The following RBFOX1 variants were observed in gnomAD, a reference collection of about 807,000 sequenced individuals.
RBFOX1 encodes the protein RNA binding protein fox-1 homolog 1.
Under a neutral mutation model 57.7 loss-of-function variants are expected in RBFOX1, and 8 were observed. The observed-to-expected ratio is 0.14, with a 90% confidence interval of 0.08 to 0.25. The LOEUF is 0.25. RBFOX1 is among the 10% of genes least tolerant of loss of function. The pLI is 1.00. For missense variants in RBFOX1, 611 were observed against 548.5 expected, an observed-to-expected ratio of 1.11 and a Z score of -1.14; for synonymous variants, 326 against 222.4, an observed-to-expected ratio of 1.47 and a Z score of -4.15.
At chr16:6,112,656 A>G (rs1368707393) in intron 1 of RBFOX1, among the ~76,000 whole-genome samples, 2 of 151,728 alleles carry the variant, frequency 1.3e-5, no homozygotes, top group Non-Finnish European at 2.9e-5. Flanking sequence ...GTGCCATTGC[A>G]CTCCAGCCTG....
At position 7,567,184 on chromosome 16, in the gene RBFOX1, A is replaced by AT. The variant is rs373288970; in HGVS notation, c.271-12593_271-12592insT. ...ATATCCATATATATATCCCTATATA[A>AT]ATATCCATATATATATCCCTATATA... On this transcript the variant is annotated intron_variant, in intron 5 of 15. Coordinates refer to ENST00000550418, the MANE Select transcript of RBFOX1 (RefSeq NM_018723.4). Among the ~76,000 whole-genome samples the AT allele has an allele frequency of 2.4e-3, 185 of 76,650 alleles. 1 individual carries two copies. Among genetic ancestry groups the AT allele is most frequent in the South Asian group, 3.4e-3 (5 of 1,458 alleles). The allele number at this position is 76,650 out of a possible 152,430, so 50.3% of individuals were successfully genotyped here.
chr16:7,706,277 T>C (rs535718587), intron 14 of RBFOX1, among the ~76,000 whole-genome samples: 5 of 152,342 alleles, frequency 3.3e-5, no homozygotes, highest in South Asian at 2.1e-4. Context: ...TTATTAATCA[T>C]AATAAAACCA....
intron 3 of RBFOX1, among the ~76,000 whole-genome samples, chr16:5,700,021 A>G (rs1272757204): frequency 6.6e-6 from 1 of 151,980 alleles, no homozygotes; most frequent in Non-Finnish European, 1.5e-5. Context: ...TTTAGTAGAG[A>G]CGGGGTTTTA....
intron 11 of RBFOX1, among the ~76,000 whole-genome samples, chr16:7,638,253 C>G (rs2062104812): frequency 6.6e-6 from 1 of 152,164 alleles, no homozygotes; most frequent in Middle Eastern, 3.2e-3. Context: ...TTCTCATTAG[C>G]TTTCTTAAGA....
At chr16:6,918,720 G>C (rs1397580262) in intron 3 of RBFOX1, among the ~76,000 whole-genome samples, 3 of 152,128 alleles carry the variant, frequency 2.0e-5, no homozygotes, top group African/African-American at 7.2e-5. Context: ...TCTGCCTTCC[G>C]AATGCAGACA....
intron 4 of RBFOX1, among the ~76,000 whole-genome samples, chr16:7,340,685 G>A (rs937313872): frequency 1.3e-5 from 2 of 152,148 alleles, no homozygotes; most frequent in African/African-American, 4.8e-5. Context: ...ATTAAAAAGA[G>A]CAAACAGAGC....
intron 1 of RBFOX1, among the ~76,000 whole-genome samples, chr16:5,322,294 C>T (rs2064432439): frequency 6.6e-6 from 1 of 152,130 alleles, no homozygotes; most frequent in Non-Finnish European, 1.5e-5. Flanking sequence ...TCTCAGACTG[C>T]CTCTCAGATA....
chr16:5,979,339 T>C (rs1386986503), intron 4 of RBFOX1, among the ~76,000 whole-genome samples: 1 of 152,230 alleles, frequency 6.6e-6, no homozygotes, highest in Non-Finnish European at 1.5e-5. Flanking sequence ...CGGATTGTAA[T>C]GTAGCCCTCT....
chr16:7,699,411 C>T (rs780756502), intron 14 of RBFOX1, among the ~76,000 whole-genome samples: 56 of 152,306 alleles, frequency 3.7e-4, no homozygotes, highest in Middle Eastern at 3.4e-3. Flanking sequence ...AGGCTGATCT[C>T]AAACTCCTGG....
intron 4 of RBFOX1, among the ~76,000 whole-genome samples, chr16:7,383,825 G>C (rs927267933): frequency 2.6e-5 from 4 of 152,068 alleles, no homozygotes; most frequent in Non-Finnish European, 2.9e-5. Flanking sequence ...GGGAGGCCGA[G>C]GCGGGCAGAT....
intron 3 of RBFOX1, among the ~76,000 whole-genome samples, chr16:6,757,599 G>C (rs12102314): frequency 0.015 from 2,353 of 152,174 alleles, 63 homozygotes; most frequent in African/African-American, 0.055. Flanking sequence ...TAAAAAAGTT[G>C]ATCTCTGGAG....
At chr16:6,229,116 C>G (rs933881446) in intron 1 of RBFOX1, among the ~76,000 whole-genome samples, 1 of 152,078 alleles carries the variant, frequency 6.6e-6, no homozygotes, top group Non-Finnish European at 1.5e-5. Context: ...CAGTGTCATC[C>G]TCTGAGACGT....
intron 4 of RBFOX1, among the ~76,000 whole-genome samples, chr16:7,137,278 C>T (rs972343062): frequency 2.6e-5 from 4 of 152,112 alleles, no homozygotes; most frequent in African/African-American, 7.2e-5. Context: ...ACAGGTGATA[C>T]GGTTTGGCTG....
intron 3 of RBFOX1, among the ~76,000 whole-genome samples, chr16:6,915,027 G>T (rs1030054084): frequency 6.6e-6 from 1 of 152,214 alleles, no homozygotes; most frequent in African/African-American, 2.4e-5. Context: ...GTGTAAGTCG[G>T]CTTTGCTCAT....
intron 3 of RBFOX1, among the ~76,000 whole-genome samples, chr16:5,606,415 G>A (rs1459549464): frequency 6.6e-6 from 1 of 151,984 alleles, no homozygotes; most frequent in Non-Finnish European, 1.5e-5. Context: ...CTCTGGTTGT[G>A]TTGCTCTCCA....
chr16:6,685,273 C>CTTT lies in RBFOX1; in HGVS notation c.-16+30641_-16+30643dup, dbSNP rs202226687. On this transcript the variant is annotated intron_variant, in intron 3 of 15. Coordinates refer to ENST00000550418, the MANE Select transcript of RBFOX1 (RefSeq NM_018723.4). ...GTGTACTAAGAGAGGGAGAGTTTTT[C>CTTT]TTTTTTTTTTTTTTTTTTTTGAGAT... Among the ~76,000 whole-genome samples, 568 of 111,572 alleles carry CTTT rather than the reference C, an allele frequency of 5.1e-3. 24 individuals carry two copies. Among genetic ancestry groups the CTTT allele is most frequent in the African/African-American group, 0.016 (448 of 27,632 alleles). 73.2% of individuals were successfully genotyped at this position (111,572 alleles called of 152,430 possible).
At chr16:6,962,270 A>G (rs1264521032) in intron 3 of RBFOX1, among the ~76,000 whole-genome samples, 2 of 152,102 alleles carry the variant, frequency 1.3e-5, no homozygotes, top group African/African-American at 2.4e-5. Flanking sequence ...CTCTTACAAA[A>G]AGACTAGTCA....
chr16:6,398,201 C>G (rs2092920202), intron 2 of RBFOX1, among the ~76,000 whole-genome samples: 1 of 152,142 alleles, frequency 6.6e-6, no homozygotes, highest in South Asian at 2.1e-4. Context: ...GGTCACCGCC[C>G]CCATGGTTCA....
chr16:7,307,468 C>T (rs976265878), intron 4 of RBFOX1, among the ~76,000 whole-genome samples: 4 of 152,200 alleles, frequency 2.6e-5, no homozygotes, highest in African/African-American at 9.7e-5. Context: ...AATTTATTTA[C>T]TTAGGCCAAT....
Sources: allele counts gnomAD v4.1 joint callset (sites outside exome capture counted in the v4.1 genomes callset), GRCh38; gene constraint gnomAD v4.1.1; transcripts MANE v1.5; gene names NCBI Gene and HGNC (gene_info 2026-07-23, HGNC 2026-07-21).